Variants in VPS13B observed in about 807,000 individuals in gnomAD.
The protein encoded by VPS13B is vacuolar protein sorting 13 homolog B, also known as intermembrane lipid transfer protein VPS13B.
A neutral mutation model predicts 426.4 loss-of-function variants in VPS13B; 285 were observed. The ratio of observed to expected loss-of-function variants is 0.67; its 90% CI spans 0.61 to 0.74. The LOEUF (loss-of-function observed/expected upper bound fraction) is 0.74, where lower values mean the gene tolerates loss of function less well. Among genes scored for constraint, VPS13B ranks in the 30% least tolerant of loss-of-function variants. The probability of loss-of-function intolerance (pLI) is 0.00; values close to 1 mark genes in which losing one functional copy is unlikely to be tolerated. For missense variants in VPS13B, 4,537 were observed against 4,782.6 expected (o/e 0.95, Z 1.51); for synonymous variants, 1,676 against 1,676.4 (o/e 1.00, Z 0.01).
chr8:99,125,304 G>A (rs1290325565), intron 8 of VPS13B, among the ~76,000 whole-genome samples: 2 of 152,186 alleles, frequency 1.3e-5, no homozygotes, highest in African/African-American at 2.4e-5. Flanking sequence ...AGGGCAGGAA[G>A]CATCCAGCAC....
intron 15 of VPS13B, among the ~76,000 whole-genome samples, chr8:99,158,230 C>T (rs1588097065): frequency 2.0e-5 from 3 of 152,148 alleles, no homozygotes; most frequent in African/African-American, 7.2e-5. Context: ...AAGTCAATGC[C>T]TTGCTTCAAA....
At chr8:99,161,412 A>G (rs992538868) in intron 15 of VPS13B, among the ~76,000 whole-genome samples, 1 of 152,226 alleles carries the variant, frequency 6.6e-6, no homozygotes, top group Non-Finnish European at 1.5e-5. Context: ...CACCAAAACC[A>G]TTGGTCATCA....
rs1378759835 is a variant in VPS13B, at chr8:99,443,679, A to T, written c.3445+1044A>T. 2.0e-5 allele frequency among the ~76,000 whole-genome samples: 3 copies of T among 152,160 alleles called. No individual in the cohort carries two copies. In the South Asian group the frequency reaches 6.2e-4, roughly 32 times the overall value. Reference sequence around the variant, plus strand: ...TGTTTTTATGGCTGAATAGTATTCCATCTTATGGATATATCAAATTTTTTT... The same window carrying T: ...TGTTTTTATGGCTGAATAGTATTCCTTCTTATGGATATATCAAATTTTTTT... On this transcript the variant is annotated intron_variant, in intron 23 of 61. Coordinates refer to ENST00000357162, the MANE Select transcript of VPS13B (RefSeq NM_152564.5).
At chr8:99,081,339 C>T (rs900409468) in intron 3 of VPS13B, among the ~76,000 whole-genome samples, 1 of 152,032 alleles carries the variant, frequency 6.6e-6, no homozygotes, top group Admixed American at 6.6e-5. Flanking sequence ...TCTTGTCCTC[C>T]CCCATCCTCA....
chr8:99,499,700 TA>T (rs2133604586), intron 25 of VPS13B, among the ~76,000 whole-genome samples: 1 of 152,286 alleles, frequency 6.6e-6, no homozygotes, highest in African/African-American at 2.4e-5. Context: ...ACTTATTTTG[TA>T]AAAGCATTTA....
At chr8:99,252,161 A>G (rs1285312158) in intron 17 of VPS13B, among the ~76,000 whole-genome samples, 2 of 151,884 alleles carry the variant, frequency 1.3e-5, no homozygotes, top group Non-Finnish European at 1.5e-5. Flanking sequence ...GGTGAGAGCT[A>G]GATTATGGAA....
At chr8:99,543,668 T>C (rs1823773498) in intron 30 of VPS13B, among the ~76,000 whole-genome samples, 1 of 149,400 alleles carries the variant, frequency 6.7e-6, no homozygotes, top group Admixed American at 6.6e-5. Flanking sequence ...GAACAGACAC[T>C]TCTCAAAAGA....
chr8:99,072,611 G>A (rs148585038), intron 3 of VPS13B, among the ~76,000 whole-genome samples: 32 of 152,220 alleles, frequency 2.1e-4, no homozygotes, highest in African/African-American at 6.7e-4. Flanking sequence ...AATACCATTC[G>A]TGTATTTCTG....
intron 43 of VPS13B, among the ~76,000 whole-genome samples, chr8:99,792,172 A>G (rs937888286): frequency 1.3e-5 from 2 of 152,150 alleles, no homozygotes; most frequent in African/African-American, 4.8e-5. Context: ...TTAACTACAA[A>G]CATCAACACT....
At chr8:99,377,074 T>G (rs978236665) in intron 19 of VPS13B, among the ~76,000 whole-genome samples, 54 of 152,260 alleles carry the variant, frequency 3.5e-4, no homozygotes, top group African/African-American at 1.3e-3. Context: ...GATTCTTTCC[T>G]TAGGTGATCT....
At chr8:99,330,335 T>C (rs575303345) in intron 19 of VPS13B, among the ~76,000 whole-genome samples, 1 of 151,800 alleles carries the variant, frequency 6.6e-6, no homozygotes, top group East Asian at 1.9e-4. Flanking sequence ...GTGATGGGGG[T>C]ATGTTATTTT....
At chr8:99,517,509 A>G (rs1822149231) in intron 29 of VPS13B, among the ~76,000 whole-genome samples, 1 of 152,182 alleles carries the variant, frequency 6.6e-6, no homozygotes, top group Admixed American at 6.5e-5. Flanking sequence ...TCAGTTAATG[A>G]TAAAAAAATT....
chr8:99,664,089 C>T (rs1830353618), intron 35 of VPS13B, among the ~76,000 whole-genome samples: 1 of 151,448 alleles, frequency 6.6e-6, no homozygotes, highest in Non-Finnish European at 1.5e-5. Context: ...TCACTGCAAC[C>T]TCTGTCTCCC....
chr8:99,264,111 A>G (rs1490161021), intron 17 of VPS13B, among the ~76,000 whole-genome samples: 1 of 151,676 alleles, frequency 6.6e-6, no homozygotes, highest in Non-Finnish European at 1.5e-5. Flanking sequence ...TTAGTGTTCT[A>G]TGTACTTATT....
intron 17 of VPS13B, among the ~76,000 whole-genome samples, chr8:99,237,170 C>T (rs1274738325): frequency 6.6e-6 from 1 of 152,190 alleles, no homozygotes; most frequent in African/African-American, 2.4e-5. Flanking sequence ...AATTAAACCT[C>T]TTTCTGTAAA....
chr8:99,717,684 T>C (rs948287631), intron 37 of VPS13B, among the ~76,000 whole-genome samples: 4 of 152,110 alleles, frequency 2.6e-5, no homozygotes, highest in Non-Finnish European at 4.4e-5. Context: ...CACATTACCC[T>C]CTAACCCCCT....
intron 58 of VPS13B, among the ~76,000 whole-genome samples, chr8:99,865,904 A>T (rs1048675394): frequency 6.6e-6 from 1 of 152,214 alleles, no homozygotes; most frequent in South Asian, 2.1e-4. Flanking sequence ...TTTCTGCCCA[A>T]GGCCTAGGAG....
rs1822355402 is a variant in VPS13B at position 99,520,982 on chromosome 8, A to T, written c.4717A>T (p.Arg1573Ter). ...TCCCCAGGCTGACAATCCCCTTGGC[A>T]GATCTGTCCTTAGGAAAGATATTTA... ...MAPQADNPLG[R>*]SVLRKDIYQR... The change falls in exon 30 of 62, where the codon AGA (arginine) becomes TGA (stop). Residue 1573 changes from arginine to a stop codon, truncating the protein, a stop_gained. Coordinates refer to ENST00000357162, the MANE Select transcript of VPS13B (RefSeq NM_152564.5). LOFTEE classifies it high-confidence loss of function. 6.2e-7 allele frequency: 1 copy of T among 1,613,772 alleles called. No individual in the cohort carries two copies. Among genetic ancestry groups the T allele is most frequent in the Non-Finnish European group, 8.5e-7 (1 of 1,179,706 alleles).
At chr8:99,053,129 A>T (rs890141430) in intron 3 of VPS13B, among the ~76,000 whole-genome samples, 3 of 150,896 alleles carry the variant, frequency 2.0e-5, no homozygotes, top group African/African-American at 7.3e-5. Flanking sequence ...TAATTATTTA[A>T]TTATTTATTT....
Sources: allele counts gnomAD v4.1 joint callset (sites outside exome capture counted in the v4.1 genomes callset), GRCh38; gene constraint gnomAD v4.1.1; transcripts MANE v1.5; gene names NCBI Gene and HGNC (gene_info 2026-07-23, HGNC 2026-07-21).